CDH18: variants seen among roughly 807,000 people sequenced by gnomAD.
CDH18 encodes the protein cadherin-18.
Under a neutral mutation model 67.9 loss-of-function variants are expected in CDH18, and 31 were observed. That is an observed-to-expected ratio of 0.46 (90% CI 0.34 to 0.62). The LOEUF is 0.62. CDH18 is among the 20% of genes least tolerant of loss of function. The probability of loss-of-function intolerance (pLI) is 0.01; values close to 1 mark genes in which losing one functional copy is unlikely to be tolerated. For synonymous variants in CDH18, 362 were observed against 347.2 expected (o/e 1.04, Z -0.48); for missense variants, 890 against 975.5 (o/e 0.91, Z 1.17).
rs553846505 is a variant in CDH18 at position 20,120,942 on chromosome 5, A to G, written c.-517-128928T>C. 1.6e-4 allele frequency among the ~76,000 whole-genome samples: 24 copies of G among 152,244 alleles called. No individual in the cohort carries two copies. The East Asian group carries it at 4.4e-3, about 28-fold the overall frequency. ...AATTTAGATTTTCATATATAATGAG[A>G]CAGATACTGTAAATTATTGCTGGGT... On this transcript the variant is annotated intron_variant, in intron 2 of 14. Transcript: ENST00000507958.
chr5:19,559,920 ACAAAC>A (rs1212810847), intron 8 of CDH18, among the ~76,000 whole-genome samples: 10 of 149,424 alleles, frequency 6.7e-5, no homozygotes, highest in African/African-American at 1.5e-4. Flanking sequence ...AGTTGCAAAA[ACAAAC>A]AAAAAAAAAA....
intron 2 of CDH18, among the ~76,000 whole-genome samples, chr5:20,059,073 C>T: frequency 6.6e-6 from 1 of 152,026 alleles, no homozygotes. Context: ...TGTATGCGTC[C>T]AGGAATTTAT....
At chr5:20,052,484 A>T (rs1174533083) in intron 2 of CDH18, among the ~76,000 whole-genome samples, 1 of 151,938 alleles carries the variant, frequency 6.6e-6, no homozygotes, top group East Asian at 1.9e-4. Context: ...TTTATATCAG[A>T]AAAAAGGTAC....
intron 1 of CDH18, among the ~76,000 whole-genome samples, chr5:20,263,547 G>A (rs934930166): frequency 4.6e-5 from 7 of 152,106 alleles, no homozygotes; most frequent in African/African-American, 1.7e-4. Flanking sequence ...AATAATGTGT[G>A]TCCATGTTGA....
At chr5:19,677,809 A>T (rs1365598252) in intron 5 of CDH18, among the ~76,000 whole-genome samples, 1 of 152,058 alleles carries the variant, frequency 6.6e-6, no homozygotes, top group African/African-American at 2.4e-5. Flanking sequence ...ACTAACAAAG[A>T]TATTTGATAA....
At chr5:19,740,108 T>G (rs1177516189) in intron 4 of CDH18, among the ~76,000 whole-genome samples, 2 of 152,206 alleles carry the variant, frequency 1.3e-5, no homozygotes, top group Non-Finnish European at 2.9e-5. Flanking sequence ...GAACCTACAG[T>G]TTATTAAATG....
At chr5:19,940,236 T>C (rs1312853692) in intron 2 of CDH18, among the ~76,000 whole-genome samples, 3 of 151,314 alleles carry the variant, frequency 2.0e-5, no homozygotes, top group Non-Finnish European at 4.4e-5. Flanking sequence ...TAAATATTTA[T>C]AGTATTTATA....
At chr5:20,250,352 G>A (rs769602436) in intron 2 of CDH18, among the ~76,000 whole-genome samples, 7 of 151,664 alleles carry the variant, frequency 4.6e-5, no homozygotes, top group Non-Finnish European at 8.8e-5. Context: ...GAGTGCAGCC[G>A]TGCGATCAAG....
intron 2 of CDH18, among the ~76,000 whole-genome samples, chr5:19,994,744 G>T (rs1199432123): frequency 0.058 from 498 of 8,620 alleles, 8 homozygotes; most frequent in African/African-American, 0.095. Context: ...TATATAGAGA[G>T]AGAGAGAGAG....
chr5:20,509,373 G>T (rs554273586), intron 1 of CDH18, among the ~76,000 whole-genome samples: 1 of 148,320 alleles, frequency 6.7e-6, no homozygotes, highest in Non-Finnish European at 1.5e-5. Context: ...TAATCTACAG[G>T]TTTATCTATG....
intron 5 of CDH18, among the ~76,000 whole-genome samples, chr5:19,660,583 A>G (rs1432595933): frequency 6.6e-6 from 1 of 152,158 alleles, no homozygotes; most frequent in Admixed American, 6.6e-5. Flanking sequence ...AATTGCATAT[A>G]CATTTCGGGC....
intron 2 of CDH18, among the ~76,000 whole-genome samples, chr5:19,921,488 T>A (rs543159237): frequency 1.8e-4 from 26 of 144,992 alleles, no homozygotes; most frequent in Admixed American, 7.7e-4. Context: ...CCGAGATCGC[T>A]CCACTGCACT....
intron 1 of CDH18, among the ~76,000 whole-genome samples, chr5:20,570,209 C>T (rs1431692876): frequency 6.6e-6 from 1 of 152,110 alleles, no homozygotes; most frequent in East Asian, 1.9e-4. Context: ...AATAATGGTT[C>T]TTCCATTGCA....
chr5:19,916,767 C>A (rs888273296), intron 2 of CDH18, among the ~76,000 whole-genome samples: 1 of 151,972 alleles, frequency 6.6e-6, no homozygotes, highest in Admixed American at 6.6e-5. Flanking sequence ...CTGTGAAGGG[C>A]GTTTAATTTT....
chr5:20,510,090 G>A (rs1754935472), intron 1 of CDH18, among the ~76,000 whole-genome samples: 1 of 152,020 alleles, frequency 6.6e-6, no homozygotes, highest in South Asian at 2.1e-4. Context: ...CAACCTAACA[G>A]CTGTAACATG....
chr5:20,401,356 G>C (rs1051705282), intron 1 of CDH18, among the ~76,000 whole-genome samples: 1 of 152,152 alleles, frequency 6.6e-6, no homozygotes, highest in Non-Finnish European at 1.5e-5. Context: ...ATTAATTACA[G>C]TCAAGGAATG....
At chr5:20,225,593 G>A (rs531287691) in intron 2 of CDH18, among the ~76,000 whole-genome samples, 3 of 152,244 alleles carry the variant, frequency 2.0e-5, no homozygotes, top group African/African-American at 7.2e-5. Flanking sequence ...CTTGGCATGA[G>A]TGTTCTATAA....
chr5:19,632,085 T>G (rs753095088), intron 5 of CDH18, among the ~76,000 whole-genome samples: 2 of 152,196 alleles, frequency 1.3e-5, no homozygotes, highest in Non-Finnish European at 2.9e-5. Flanking sequence ...AGTCAGTTTA[T>G]GAAAACATTT....
In CDH18 at chr5:20,251,313, A is replaced by C. The variant is rs10075949; in HGVS notation, c.-518+4131T>G. Reference sequence around the variant, plus strand: ...GGAAGGTTGATGCAATTTTTTTCACAAAACACACCCACCCACTGTATTTTT... The same window carrying C: ...GGAAGGTTGATGCAATTTTTTTCACCAAACACACCCACCCACTGTATTTTT... On this transcript the variant is annotated intron_variant, in intron 2 of 14. Coordinates refer to the CDH18 transcript ENST00000507958. Among the ~76,000 whole-genome samples the C allele has an allele frequency of 3.0e-3, 454 of 152,162 alleles. 2 individuals are homozygous for C. The highest frequency in any genetic ancestry group is 0.011 in the African/African-American group (438 of 41,502).
Sources: allele counts gnomAD v4.1 joint callset (sites outside exome capture counted in the v4.1 genomes callset), GRCh38; gene constraint gnomAD v4.1.1; transcripts MANE v1.5; gene names NCBI Gene and HGNC (gene_info 2026-07-23, HGNC 2026-07-21).